MYL5: variants seen among roughly 807,000 people sequenced by gnomAD.
MYL5 encodes the protein myosin light chain 5, also known as myosin regulatory light chain 5.
In MYL5, 28 loss-of-function variants were observed where a neutral mutation model predicts 20.8. The ratio of observed to expected loss-of-function variants is 1.35; its 90% confidence interval spans 1.00 to 1.84. The LOEUF (loss-of-function observed/expected upper bound fraction) is 1.84. Ranked by LOEUF, MYL5 falls within the 40% of genes most tolerant of loss-of-function variation. The probability of loss-of-function intolerance (pLI) is 0.00; values close to 1 mark genes in which losing one functional copy is unlikely to be tolerated. For missense variants in MYL5, 274 were observed against 227.3 expected (o/e 1.21, Z -1.32); for synonymous variants, 118 against 87.4 (o/e 1.35, Z -1.95).
upstream of MYL5, chr4:674,951 C>G (rs1738731581): frequency 6.5e-6 from 1 of 152,734 alleles, no homozygotes; most frequent in Admixed American, 6.5e-5. Context: ...CTGGAGCTTC[C>G]TCACCCCAGG....
intron 6 of MYL5, 32 bp downstream of exon 8, chr4:681,172 GA>G (rs1227646855): frequency 1.3e-6 from 2 of 1,593,140 alleles, no homozygotes; most frequent in Admixed American, 3.5e-5. Context: ...CCAAGCCCAC[GA>G]GGGGAGGGCG....
exon 5 of MYL5, chr4:680,570 G>A (rs971109643): frequency 5.6e-6 from 9 of 1,613,294 alleles, no homozygotes; most frequent in African/African-American, 2.7e-5. Flanking sequence ...ACGGGAAAGG[G>A]AAAATCAACA....
intron 4 of MYL5, among the ~76,000 whole-genome samples, 183 bp from the exon 7 acceptor site, chr4:680,326 G>C (rs531162450): frequency 6.6e-6 from 1 of 152,298 alleles, no homozygotes; most frequent in East Asian, 1.9e-4. Flanking sequence ...CAGGGCAGGA[G>C]TGCCCGACAA....
At chr4:674,557 T>TG, upstream of MYL5, 1 of 460,888 alleles carries the variant, frequency 2.2e-6, no homozygotes, top group Non-Finnish European at 3.9e-6. Flanking sequence ...CCCGCAGGGC[T>TG]GGGGGTCCGC....
At chr4:680,848 C>A (rs112581443) in intron 5 of MYL5, 4 of 635,182 alleles carry the variant, frequency 6.3e-6, no homozygotes, top group African/African-American at 1.8e-5. Context: ...TGCTAGGCGC[C>A]GGGGAAAGTA....
chr4:681,975 G>A, exon 7 of MYL5: 2 of 1,397,710 alleles, frequency 1.4e-6, no homozygotes, highest in Non-Finnish European at 1.9e-6. Flanking sequence ...ATCACCCACG[G>A]GGAGGAGAAG....
chr4:680,750 G>A (rs1034048670), intron 5 of MYL5, 163 bp downstream of exon 7: 7 of 737,998 alleles, frequency 9.5e-6, no homozygotes, highest in Middle Eastern at 2.9e-4. Context: ...CTGAGTGGGA[G>A]GCCAGCCCTG....
At chr4:677,914 C>T, upstream of MYL5, 1 of 1,584,218 alleles carries the variant, frequency 6.3e-7, no homozygotes, top group Non-Finnish European at 8.7e-7. Context: ...CCAAGCCTGT[C>T]CTTGTAGGGA....
At chr4:679,008 C>T (rs1434710628) in exon 3 of MYL5, 3 of 1,613,770 alleles carry the variant, frequency 1.9e-6, no homozygotes, top group Admixed American at 1.7e-5. Flanking sequence ...ACAAGGAGGA[C>T]CTGAAGGACA....
At chr4:676,843 C>T (rs1421862164), upstream of MYL5, 2 of 980,642 alleles carry the variant, frequency 2.0e-6, no homozygotes, top group Non-Finnish European at 2.4e-6. Flanking sequence ...GGCCCCAGGT[C>T]CCTCCTGGGC....
upstream of MYL5, chr4:676,474 C>G (rs116594734): frequency 2.0e-5 from 3 of 152,314 alleles, no homozygotes; most frequent in East Asian, 5.8e-4. Context: ...AGTGGTGGGA[C>G]GGGTCCCACC....
Position 681,759 on chromosome 4 carries a change from C to T in MYL5, c.421-134C>T, listed in dbSNP as rs550456962. On this transcript the variant is annotated intron_variant, in intron 6 of 6. Transcript: ENST00000400159. ...AGCGCCGCCCCGCCCCCTCCAGCGC[C>T]GCCCTCACCCCGCACCCGGGCCCCT... 5 of 1,155,054 alleles carry T rather than the reference C, an allele frequency of 4.3e-6. No homozygotes were observed. The African/African-American group carries it at 5.1e-5, about 12-fold the overall frequency. 71.6% of individuals were successfully genotyped at this position (1,155,054 alleles called of 1,614,324 possible).
At chr4:680,100 C>A (rs2109347858) in intron 4 of MYL5, 82 bp downstream of exon 6, 1 of 1,312,296 alleles carries the variant, frequency 7.6e-7, no homozygotes, top group East Asian at 2.4e-5. Flanking sequence ...AAAAATCTCT[C>A]TTTTCCAATC....
At chr4:681,054 C>T (rs779649921) in intron 5 of MYL5, 38 bp from the exon 8 acceptor site, 4 of 1,568,668 alleles carry the variant, frequency 2.5e-6, no homozygotes, top group East Asian at 4.7e-5. Flanking sequence ...TCCTGCACCC[C>T]CGCATCAGCC....
At chr4:674,663 G>C (rs1023540263), upstream of MYL5, 11 of 249,992 alleles carry the variant, frequency 4.4e-5, no homozygotes, top group African/African-American at 2.6e-4. Context: ...GTCTTCTTGC[G>C]CGGAGCGTCG....
intron 3 of MYL5, chr4:679,234 CAG>C: frequency 1.4e-6 from 1 of 693,456 alleles, no homozygotes; most frequent in Non-Finnish European, 2.6e-6. Context: ...CAGGGTGAGA[CAG>C]GGTGGGTGGG....
chr4:681,223 C>G (rs1045736204), intron 6 of MYL5, 83 bp downstream of exon 8: 25 of 1,508,304 alleles, frequency 1.7e-5, no homozygotes, highest in Non-Finnish European at 2.2e-5. Flanking sequence ...GACGCGGAGC[C>G]CGAGGAGCAG....
intron 2 of MYL5, 86 bp from the exon 5 acceptor site, chr4:678,868 CTCAG>C (rs1739131226): frequency 6.2e-7 from 1 of 1,608,834 alleles, no homozygotes; most frequent in Non-Finnish European, 8.5e-7. Context: ...GAAGCCTATC[CTCAG>C]TCAGGGGTGC....
At chr4:680,164 G>A (rs540281440) in intron 4 of MYL5, 146 bp downstream of exon 6, 571 of 791,278 alleles carry the variant, frequency 7.2e-4, no homozygotes, top group South Asian at 2.8e-3. Flanking sequence ...GTGGGGCCCC[G>A]TCAGCCACCC....
Sources: gnomAD v4.1 joint callset for allele counts (sites outside exome capture counted in the v4.1 genomes callset) on GRCh38, gnomAD v4.1.1 for gene constraint, MANE v1.5 for transcripts, NCBI Gene and HGNC (gene_info 2026-07-23, HGNC 2026-07-21) for gene names.